Variants in MRC1 observed in about 807,000 individuals in gnomAD.
MRC1 encodes the protein macrophage mannose receptor 1.
Under a neutral mutation model 102.9 loss-of-function variants are expected in MRC1, and 62 were observed. That is an observed-to-expected ratio of 0.60 (90% confidence interval 0.49 to 0.74). The LOEUF (loss-of-function observed/expected upper bound fraction) is 0.74. Ranked by LOEUF, MRC1 falls within the 30% of genes least tolerant of loss-of-function variation. MRC1 has a pLI of 0.00. For missense variants in MRC1, 1,237 were observed against 862.8 expected, an observed-to-expected ratio of 1.43 and a Z score of -5.43; for synonymous variants, 457 against 298.4, an observed-to-expected ratio of 1.53 and a Z score of -5.48.
chr10:17,880,045 A>T (rs1833492640), intron 19 of MRC1, among the ~76,000 whole-genome samples: 1 of 152,190 alleles, frequency 6.6e-6, no homozygotes, highest in South Asian at 2.1e-4. Context: ...TTCTTCCCAA[A>T]TTAGGAACCA....
At chr10:17,863,356 A>G (rs2130663758) in intron 10 of MRC1, among the ~76,000 whole-genome samples, 178 bp from the exon 11 acceptor site, 1 of 152,250 alleles carries the variant, frequency 6.6e-6, no homozygotes, top group African/African-American at 2.4e-5. Context: ...ATAAGCTCAC[A>G]TTTCCTTGGT....
At chr10:17,835,366 A>G (rs1838647161) in intron 4 of MRC1, among the ~76,000 whole-genome samples, 1 of 152,174 alleles carries the variant, frequency 6.6e-6, no homozygotes, top group Non-Finnish European at 1.5e-5. Flanking sequence ...TCTTGTACCC[A>G]TGTGCCAGGC....
chr10:17,907,871 G>C (rs1332276974), intron 28 of MRC1, among the ~76,000 whole-genome samples, 173 bp downstream of exon 28: 1 of 152,208 alleles, frequency 6.6e-6, no homozygotes, highest in Non-Finnish European at 1.5e-5. Context: ...AGCTCTGCGT[G>C]AGTGAGAGAC....
At chr10:17,879,059 A>G (rs1833476506) in intron 18 of MRC1, among the ~76,000 whole-genome samples, 1 of 152,162 alleles carries the variant, frequency 6.6e-6, no homozygotes, top group Admixed American at 6.5e-5. Context: ...GAAATTCTAT[A>G]CACTCTGCCT....
At chr10:17,812,193 G>A (rs1365326017) in intron 1 of MRC1, among the ~76,000 whole-genome samples, 1 of 152,124 alleles carries the variant, frequency 6.6e-6, no homozygotes, top group African/African-American at 2.4e-5. Flanking sequence ...CAGGAGTCTA[G>A]AGGTTAACAG....
At chr10:17,907,728 A>C (rs1456829456) in intron 28 of MRC1, 30 bp downstream of exon 28, 1 of 780,122 alleles carries the variant, frequency 1.3e-6, no homozygotes, top group Non-Finnish European at 2.4e-6. Context: ...CATGGTGCAT[A>C]TCACTGGCTG....
intron 1 of MRC1, among the ~76,000 whole-genome samples, chr10:17,813,047 A>G (rs1467528734): frequency 6.6e-6 from 1 of 152,198 alleles, no homozygotes; most frequent in Admixed American, 6.5e-5. Flanking sequence ...ATCATAGACC[A>G]TTAAAGCAAG....
chr10:17,863,437 T>A, intron 10 of MRC1, 97 bp from the exon 11 acceptor site: 1 of 764,726 alleles, frequency 1.3e-6, no homozygotes, highest in South Asian at 1.4e-5. Context: ...CAGTTATAGC[T>A]CAAACATAGG....
chr10:17,901,650 T>A (rs1261704778), intron 25 of MRC1, among the ~76,000 whole-genome samples: 1 of 151,986 alleles, frequency 6.6e-6, no homozygotes, highest in Non-Finnish European at 1.5e-5. Context: ...GATCGCGCCA[T>A]TGTACTCCAG....
intron 18 of MRC1, among the ~76,000 whole-genome samples, chr10:17,878,594 T>A (rs999006577): frequency 1.8e-4 from 28 of 152,326 alleles, no homozygotes; most frequent in Middle Eastern, 3.4e-3. Flanking sequence ...CAGATTTTTT[T>A]AGCCTTACAT....
rs1053760782 is a variant in MRC1 at position 17,899,572 on chromosome 10, G to C, written c.3484-1216G>C. ...AACATACTTCTAATTTTTGTCACTGGATTTTTGGCAATTGGCTTCGTAAAT... is the reference window on the plus strand; with the variant it reads ...AACATACTTCTAATTTTTGTCACTGCATTTTTGGCAATTGGCTTCGTAAAT... On this transcript the variant is annotated intron_variant, in intron 24 of 29. Coordinates refer to ENST00000569591, the MANE Select transcript of MRC1 (RefSeq NM_002438.4). 2.1e-4 allele frequency among the ~76,000 whole-genome samples: 32 copies of C among 152,138 alleles called. 1 individual carries two copies. The South Asian group carries it at 5.8e-3, about 28-fold the overall frequency.
Position 17,898,252 on chromosome 10 carries a change from C to G in MRC1, c.3469C>G (p.Leu1157Val), listed in dbSNP as rs1833782235. Residue 1157 changes from leucine to valine, a missense_variant, in exon 24 of 30, where the codon CTG becomes GTG. Coordinates refer to ENST00000569591, the MANE Select transcript of MRC1 (RefSeq NM_002438.4). ...ETSNERVWIA[L>V]NSNLTDNQYT... Reference sequence around the variant, plus strand: ...ATCTAATGAACGTGTGTGGATCGCCCTGAACAGTAACTTGGTAAGATGCTG... The same window carrying G: ...ATCTAATGAACGTGTGTGGATCGCCGTGAACAGTAACTTGGTAAGATGCTG... 1.3e-6 allele frequency: 1 copy of G among 779,934 alleles called. No homozygotes were observed. The highest frequency in any genetic ancestry group is 1.7e-5 in the Admixed American group (1 of 58,948). The allele number at this position is 779,934 out of a possible 1,614,324, so 48.3% of individuals were successfully genotyped here. A position where few individuals can be genotyped will look rare whatever the true frequency, so the allele number is the denominator to read the frequency against.
chr10:17,909,452 A>G, intron 29 of MRC1, 105 bp downstream of exon 29: 1 of 745,260 alleles, frequency 1.3e-6, no homozygotes, highest in African/African-American at 1.7e-5. Context: ...CTCTCTCAGT[A>G]GAATTTGCTT....
Position 17,849,607 on chromosome 10 carries a change from T to G in MRC1, c.1092T>G (p.Ser364Arg). The G allele has an allele frequency of 1.3e-6, 1 of 780,962 alleles. No individual in the cohort carries two copies. The highest frequency in any genetic ancestry group is 2.4e-6 in the Non-Finnish European group (1 of 418,082). The allele number at this position is 780,962 out of a possible 1,614,324, so 48.4% of individuals were successfully genotyped here. Reference sequence around the variant, plus strand: ...GTGATGTGCCTACTCACTGTCCTAGTCAGTGGTGGCCGTATGCCGGTCACT... The same window carrying G: ...GTGATGTGCCTACTCACTGTCCTAGGCAGTGGTGGCCGTATGCCGGTCACT... ...SESDVPTHCP[S>R]QWWPYAGHCY... The change falls in exon 7 of 30, where the codon AGT becomes AGG. Residue 364 changes from serine to arginine, a missense_variant. Coordinates refer to ENST00000569591, the MANE Select transcript of MRC1 (RefSeq NM_002438.4).
At chr10:17,840,453 C>A (rs1838734062) in intron 4 of MRC1, among the ~76,000 whole-genome samples, 1 of 152,154 alleles carries the variant, frequency 6.6e-6, no homozygotes, top group African/African-American at 2.4e-5. Flanking sequence ...TGGGTTGGAA[C>A]TTTAAAAATC....
chr10:17,874,891 C>T lies in MRC1; in HGVS notation c.2387-199C>T, dbSNP rs1039616633. On this transcript the variant is annotated intron_variant, in intron 16 of 29. Coordinates refer to ENST00000569591, the MANE Select transcript of MRC1 (RefSeq NM_002438.4). ...GGAATACAAAATGGGTCCTTTTTAC[C>T]AGATTGGTAGAAAGTGGATATTTGG... 1.5e-3 allele frequency among the ~76,000 whole-genome samples: 233 copies of T among 152,224 alleles called. 1 individual carries two copies. Among genetic ancestry groups the T allele is most frequent in the African/African-American group, 5.3e-3 (222 of 41,550 alleles).
chr10:17,827,385 AAAAAAAAAAAAAAAAAAAAAAAAAAG>A (rs1264493257), intron 2 of MRC1, among the ~76,000 whole-genome samples, 131 bp from the exon 3 acceptor site: 480 of 47,808 alleles, frequency 0.01, 9 homozygotes, highest in Admixed American at 0.022. Context: ...AAAAAAAAAA[AAAAAAAAAAAAAAAAAAAAAAAAAAG>A]AAATCCCTCT....
Position 17,875,115 on chromosome 10 carries a change from G to A in MRC1, c.2412G>A (p.Trp804Ter). 1.3e-6 allele frequency: 1 copy of A among 780,780 alleles called. No individual in the cohort carries two copies. Among genetic ancestry groups the A allele is most frequent in the Non-Finnish European group, 2.4e-6 (1 of 417,928 alleles). The allele number at this position is 780,780 out of a possible 1,614,324, so 48.4% of individuals were successfully genotyped here. A position where few individuals can be genotyped will look rare whatever the true frequency, so the allele number is the denominator to read the frequency against. ...QDNPPVTEDG[W>*]VIYKDYQYYF... ...ATCCACCAGTTACTGAAGATGGGTG[G>A]GTTATTTACAAAGACTACCAGTATT... Residue 804 changes from tryptophan to a stop codon, truncating the protein, a stop_gained, in exon 17 of 30, where the codon TGG becomes TGA. Coordinates refer to ENST00000569591, the MANE Select transcript of MRC1 (RefSeq NM_002438.4). LOFTEE classifies it high-confidence loss of function.
intron 4 of MRC1, among the ~76,000 whole-genome samples, chr10:17,835,917 A>G (rs984840115): frequency 3.8e-4 from 58 of 152,324 alleles, no homozygotes; most frequent in African/African-American, 1.4e-3. Context: ...GCTGGTTGAA[A>G]GACCATATCT....
Sources: gnomAD v4.1 joint callset for allele counts (sites outside exome capture counted in the v4.1 genomes callset) on GRCh38, gnomAD v4.1.1 for gene constraint, MANE v1.5 for transcripts, NCBI Gene and HGNC (gene_info 2026-07-23, HGNC 2026-07-21) for gene names.